Variants in STARD8 observed in about 807,000 individuals in gnomAD.
The protein encoded by STARD8 is stAR-related lipid transfer protein 8.
A neutral mutation model predicts 69.4 loss-of-function variants in STARD8; 25 were observed. That is an observed-to-expected ratio of 0.36 (90% CI 0.26 to 0.50). STARD8 has a LOEUF of 0.50. Among genes scored for constraint, STARD8 ranks in the 20% least tolerant of loss-of-function variants. The pLI, the probability that STARD8 is intolerant of heterozygous loss-of-function variation, is 0.96. For missense variants in STARD8, 921 were observed against 932.5 expected (o/e 0.99, Z 0.16); for synonymous variants, 389 against 374.6 (o/e 1.04, Z -0.45).
At chrX:68,687,844 C>T (rs1317558164) in intron 2 of STARD8, among the ~76,000 whole-genome samples, 1 of 112,155 alleles carries the variant, frequency 8.9e-6, no homozygotes, top group African/African-American at 3.2e-5. Context: ...CCCTCCCTGT[C>T]CTCTGGGAAC....
At chrX:68,676,058 T>C (rs1379780055) in intron 2 of STARD8, among the ~76,000 whole-genome samples, 1 of 112,545 alleles carries the variant, frequency 8.9e-6, no homozygotes, top group African/African-American at 3.2e-5. Flanking sequence ...TTTTTGGGCC[T>C]TGATTTTCTA....
intron 2 of STARD8, among the ~76,000 whole-genome samples, chrX:68,681,871 T>A (rs898015198): frequency 3.6e-5 from 4 of 111,865 alleles, no homozygotes; most frequent in African/African-American, 1.3e-4. Flanking sequence ...GGTCATTGAG[T>A]CATTTTTATG....
At chrX:68,664,638 C>T (rs1465176505) in intron 1 of STARD8, among the ~76,000 whole-genome samples, 3 of 111,953 alleles carry the variant, frequency 2.7e-5, no homozygotes, top group Non-Finnish European at 5.6e-5. Flanking sequence ...ACCTCTCTAT[C>T]CCCCCACTCA....
At chrX:68,651,764 G>C (rs753051818) in intron 1 of STARD8, among the ~76,000 whole-genome samples, 188 of 110,235 alleles carry the variant, frequency 1.7e-3, no homozygotes, top group Non-Finnish European at 2.6e-3. Context: ...CTTCGAGCAA[G>C]TCTTCTCCGA....
intron 1 of STARD8, among the ~76,000 whole-genome samples, chrX:68,651,859 CTT>C (rs777830461): frequency 3.6e-4 from 35 of 95,960 alleles, no homozygotes; most frequent in Admixed American, 5.7e-4. Flanking sequence ...TGGGTTAAGT[CTT>C]TTTTTTTTTT....
intron 2 of STARD8, among the ~76,000 whole-genome samples, chrX:68,676,603 C>T (rs1315841235): frequency 9.0e-6 from 1 of 111,603 alleles, no homozygotes; most frequent in East Asian, 2.8e-4. Flanking sequence ...ATACTGTTCC[C>T]TCCCACTTTC....
intron 1 of STARD8, among the ~76,000 whole-genome samples, chrX:68,654,946 C>A (rs927225933): frequency 1.8e-5 from 2 of 112,157 alleles, no homozygotes; most frequent in African/African-American, 6.5e-5. Flanking sequence ...TTTTTCATTC[C>A]TTTGCCCTTG....
At chrX:68,649,023 C>T (rs1460332726) in intron 1 of STARD8, among the ~76,000 whole-genome samples, 1 of 112,085 alleles carries the variant, frequency 8.9e-6, no homozygotes, top group Non-Finnish European at 1.9e-5. Flanking sequence ...TAAGTCCATG[C>T]CTTTCTTGAC....
intron 2 of STARD8, among the ~76,000 whole-genome samples, chrX:68,708,174 G>A (rs1427439169): frequency 4.4e-5 from 5 of 112,563 alleles, no homozygotes; most frequent in African/African-American, 6.5e-5. Flanking sequence ...CAGGAAAGTC[G>A]TTAGTCTCCA....
intron 2 of STARD8, among the ~76,000 whole-genome samples, chrX:68,701,148 T>C (rs2079963386): frequency 8.9e-6 from 1 of 112,053 alleles, no homozygotes; most frequent in African/African-American, 3.2e-5. Flanking sequence ...TCTGGCCTTC[T>C]TTAGTGGCAT....
At chrX:68,687,692 T>G (rs779782488) in intron 2 of STARD8, among the ~76,000 whole-genome samples, 3 of 112,042 alleles carry the variant, frequency 2.7e-5, no homozygotes, top group Non-Finnish European at 5.6e-5. Flanking sequence ...TCCTCCGTGG[T>G]AGAAACAAAG....
chrX:68,662,601 C>T (rs1195977132), intron 1 of STARD8, among the ~76,000 whole-genome samples: 2 of 111,735 alleles, frequency 1.8e-5, no homozygotes, highest in African/African-American at 3.3e-5. Flanking sequence ...GATGAACAGA[C>T]GGGTGGGACA....
At chrX:68,712,083 G>A (rs2080055384) in intron 2 of STARD8, among the ~76,000 whole-genome samples, 2 of 112,654 alleles carry the variant, frequency 1.8e-5, no homozygotes, top group South Asian at 7.4e-4. Context: ...GTGCTGGCAG[G>A]GGTGCTCAGC....
intron 2 of STARD8, among the ~76,000 whole-genome samples, chrX:68,668,114 T>TTTCTTTC (rs1407242027): frequency 1.0e-4 from 10 of 96,257 alleles, no homozygotes; most frequent in Non-Finnish European, 1.6e-4. Context: ...TCTTTCTTTC[T>TTTCTTTC]GTCTTTCTTT....
intron 2 of STARD8, among the ~76,000 whole-genome samples, chrX:68,677,353 G>C (rs2079771823): frequency 9.0e-6 from 1 of 111,179 alleles, no homozygotes; most frequent in African/African-American, 3.3e-5. Flanking sequence ...AATAAGAAAA[G>C]AGATTGAAAG....
intron 1 of STARD8, among the ~76,000 whole-genome samples, chrX:68,661,865 C>CTCCT (rs2079646202): frequency 9.8e-6 from 1 of 102,069 alleles, no homozygotes; most frequent in African/African-American, 3.8e-5. Context: ...TTTGTTTTTC[C>CTCCT]TTCTTTCTTT....
chrX:68,697,574 C>T (rs768030034), intron 2 of STARD8, among the ~76,000 whole-genome samples: 2 of 112,771 alleles, frequency 1.8e-5, no homozygotes, highest in Non-Finnish European at 3.8e-5. Context: ...AGGCCCCTCC[C>T]CTGCGCCTGG....
At chrX:68,701,632 T>C (rs998146948) in intron 2 of STARD8, among the ~76,000 whole-genome samples, 3 of 111,260 alleles carry the variant, frequency 2.7e-5, no homozygotes, top group East Asian at 2.8e-4. Flanking sequence ...CAGAGCTGCA[T>C]TGGGGTGGGG....
At chrX:68,716,334 G>C (rs1380414616) in intron 4 of STARD8, 34 bp from the exon 5 acceptor site, 9 of 1,196,823 alleles carry the variant, frequency 7.5e-6, no homozygotes, top group Non-Finnish European at 1.0e-5. Flanking sequence ...TTGGGGATGG[G>C]GACCCTTGGT....
Sources: gnomAD v4.1 joint callset for allele counts (sites outside exome capture counted in the v4.1 genomes callset) on GRCh38, gnomAD v4.1.1 for gene constraint, MANE v1.5 for transcripts, NCBI Gene and HGNC (gene_info 2026-07-23, HGNC 2026-07-21) for gene names.